Variants in MYO18B observed in about 807,000 individuals in gnomAD.
MYO18B encodes myosin XVIIIB.
In MYO18B, 204 loss-of-function variants were observed where a neutral mutation model predicts 273.0. The ratio of observed to expected loss-of-function variants is 0.75; its 90% CI spans 0.67 to 0.84. The LOEUF (loss-of-function observed/expected upper bound fraction) is 0.84, where lower values mean the gene tolerates loss of function less well. MYO18B is among the 40% of genes least tolerant of loss of function. The pLI is 0.00. For missense variants in MYO18B, 3,212 were observed against 3,287.6 expected, an observed-to-expected ratio of 0.98 and a Z score of 0.56; for synonymous variants, 1,330 against 1,305.7, an observed-to-expected ratio of 1.02 and a Z score of -0.40.
chr22:25,956,413 A>G (rs1238825423), intron 39 of MYO18B, among the ~76,000 whole-genome samples: 3 of 152,204 alleles, frequency 2.0e-5, no homozygotes, highest in South Asian at 2.1e-4. Context: ...ACAGGGTTTC[A>G]CTTTGTGGCC....
At chr22:25,813,992 C>T (rs1448856208) in intron 12 of MYO18B, among the ~76,000 whole-genome samples, 1 of 152,150 alleles carries the variant, frequency 6.6e-6, no homozygotes, top group African/African-American at 2.4e-5. Flanking sequence ...ATTTTCTGAG[C>T]ATGTAGAATT....
At chr22:25,784,023 G>A (rs2145678631) in intron 10 of MYO18B, among the ~76,000 whole-genome samples, 1 of 152,242 alleles carries the variant, frequency 6.6e-6, no homozygotes, top group African/African-American at 2.4e-5. Flanking sequence ...CACTCATGTG[G>A]GAAACTCCTA....
Position 25,928,839 on chromosome 22 carries a change from A to G in MYO18B, c.5517+7430A>G, listed in dbSNP as rs574914103. Among the ~76,000 whole-genome samples the G allele has an allele frequency of 1.2e-4, 19 of 152,208 alleles. 1 individual carries two copies. In the South Asian group the frequency reaches 3.9e-3, roughly 32 times the overall value. On this transcript the variant is annotated intron_variant, in intron 34 of 43. Coordinates refer to ENST00000335473, the MANE Select transcript of MYO18B (RefSeq NM_032608.7). ...AAAGAACACTGGACCATGGATTTGA[A>G]AGGAGTCATTAAATTGAAAACCCTA...
the MYO18B span, among the ~76,000 whole-genome samples, chr22:26,055,941 C>G: frequency 6.6e-6 from 1 of 151,978 alleles, no homozygotes; most frequent in African/African-American, 2.4e-5. Context: ...TGAGCTCATT[C>G]TGCTTGCTTA....
downstream of MYO18B, among the ~76,000 whole-genome samples, chr22:26,031,304 C>CTGAGT (rs1936661128): frequency 6.6e-6 from 1 of 152,110 alleles, no homozygotes; most frequent in Non-Finnish European, 1.5e-5. Context: ...ATTTGGATCA[C>CTGAGT]AGTTGTGTTA....
intron 28 of MYO18B, chr22:25,897,755 G>A (rs2091841379): frequency 6.6e-6 from 1 of 152,394 alleles, no homozygotes; most frequent in African/African-American, 2.4e-5. Flanking sequence ...TAGGACATTT[G>A]GGAGAGTGTT....
chr22:25,887,955 A>G (rs1009784227), intron 25 of MYO18B, among the ~76,000 whole-genome samples: 8 of 152,152 alleles, frequency 5.3e-5, no homozygotes, highest in African/African-American at 1.9e-4. Flanking sequence ...CTTGGAATTA[A>G]TGCTAATTTC....
intron 39 of MYO18B, among the ~76,000 whole-genome samples, chr22:25,990,717 A>AAAAAAAAAAAAAAAAAAAAAAAAAAAC (rs2093259563): frequency 2.4e-5 from 1 of 41,170 alleles, no homozygotes; most frequent in East Asian, 2.6e-4. Flanking sequence ...AAAAAAAAAA[A>AAAAAAAAAAAAAAAAAAAAAAAAAAAC]AAAGAAAAAG....
intron 12 of MYO18B, among the ~76,000 whole-genome samples, chr22:25,811,611 C>T (rs918581229): frequency 2.6e-5 from 4 of 152,218 alleles, no homozygotes; most frequent in Non-Finnish European, 5.9e-5. Context: ...CACCTTTGTT[C>T]TATGCCCTTT....
At chr22:25,999,553 C>T (rs1437813244) in intron 40 of MYO18B, among the ~76,000 whole-genome samples, 8 of 39,648 alleles carry the variant, frequency 2.0e-4, no homozygotes, top group Non-Finnish European at 3.6e-4. Context: ...TCCCCCTCCC[C>T]CTCTTCCCCC....
intron 5 of MYO18B, 151 bp from the exon 6 acceptor site, chr22:25,770,721 G>A (rs1199108703): frequency 1.6e-6 from 1 of 621,110 alleles, no homozygotes; most frequent in Non-Finnish European, 2.9e-6. Flanking sequence ...AGCTCCAAGT[G>A]AATAGACCCC....
At chr22:26,062,579 G>A in the MYO18B span, among the ~76,000 whole-genome samples, 3 of 152,120 alleles carry the variant, frequency 2.0e-5, no homozygotes, top group Non-Finnish European at 4.4e-5. Flanking sequence ...AGTTACATGA[G>A]CTAATAAATC....
intron 42 of MYO18B, among the ~76,000 whole-genome samples, chr22:26,025,091 TATC>T (rs2147007762): frequency 6.6e-6 from 1 of 152,298 alleles, no homozygotes; most frequent in African/African-American, 2.4e-5. Context: ...CACCTCCTAA[TATC>T]ATCATATTGA....
At chr22:25,989,450 G>T (rs538424072) in intron 39 of MYO18B, among the ~76,000 whole-genome samples, 1 of 152,106 alleles carries the variant, frequency 6.6e-6, no homozygotes, top group South Asian at 2.1e-4. Flanking sequence ...GGAGAAAGTG[G>T]CTAATGCCCA....
intron 43 of MYO18B, chr22:26,028,249 G>GAAAAAAAAAAAAAAAAA (rs753643785): frequency 7.3e-6 from 1 of 136,808 alleles, no homozygotes. Context: ...TCTGTCTCAG[G>GAAAAAAAAAAAAAAAAA]GAAAAAAAAA....
At chr22:25,772,539 G>A (rs1688818779) in intron 7 of MYO18B, 29 bp downstream of exon 7, 1 of 1,600,398 alleles carries the variant, frequency 6.2e-7, no homozygotes, top group Admixed American at 1.7e-5. Context: ...GGGCAGGGCT[G>A]AGGGGCTGAG....
chr22:25,909,575 T>C (rs1407167372), intron 32 of MYO18B, among the ~76,000 whole-genome samples: 1 of 152,158 alleles, frequency 6.6e-6, no homozygotes, highest in Admixed American at 6.5e-5. Flanking sequence ...ATTGCACACA[T>C]TTCTGGTTTA....
chr22:25,800,860 G>A (rs535680904), intron 12 of MYO18B, among the ~76,000 whole-genome samples: 1 of 152,208 alleles, frequency 6.6e-6, no homozygotes, highest in Admixed American at 6.5e-5. Context: ...ATAAGAGAAA[G>A]TCACTTTTAT....
chr22:25,834,700 A>G (rs568948751), intron 16 of MYO18B, among the ~76,000 whole-genome samples: 2 of 152,284 alleles, frequency 1.3e-5, no homozygotes, highest in South Asian at 2.1e-4. Context: ...AGTTTCCCAT[A>G]TGCAAAATTA....
Sources: allele counts gnomAD v4.1 joint callset (sites outside exome capture counted in the v4.1 genomes callset), GRCh38; gene constraint gnomAD v4.1.1; transcripts MANE v1.5; gene names NCBI Gene and HGNC (gene_info 2026-07-23, HGNC 2026-07-21).